The following FHOD3 variants were observed in gnomAD, a reference collection of about 807,000 sequenced individuals.
FHOD3 encodes the protein formin homology 2 domain containing 3, also known as FH1/FH2 domain-containing protein 3.
In FHOD3, 90 loss-of-function variants were observed where a neutral mutation model predicts 173.0. That is an observed-to-expected ratio of 0.52 (90% CI 0.44 to 0.62). The LOEUF (loss-of-function observed/expected upper bound fraction) is 0.62. Among genes scored for constraint, FHOD3 ranks in the 20% least tolerant of loss-of-function variants. The probability of loss-of-function intolerance (pLI) is 0.00; values close to 1 mark genes in which losing one functional copy is unlikely to be tolerated. For synonymous variants in FHOD3, 828 were observed against 823.0 expected, an observed-to-expected ratio of 1.01 and a Z score of -0.10; for missense variants, 1,945 against 2,034.7, an observed-to-expected ratio of 0.96 and a Z score of 0.85.
At chr18:36,619,729 A>T (rs1671526678) in intron 9 of FHOD3, among the ~76,000 whole-genome samples, 1 of 152,206 alleles carries the variant, frequency 6.6e-6, no homozygotes, top group Non-Finnish European at 1.5e-5. Flanking sequence ...CACATACTCT[A>T]ATGAGGTGCA....
rs143039262 is a variant in FHOD3, at chr18:36,476,154, C to A, written c.338-25778C>A. On this transcript the variant is annotated intron_variant, in intron 3 of 28. Coordinates refer to ENST00000590592, the MANE Select transcript of FHOD3 (RefSeq NM_001281740.3). ...TTTTTGACAGGCACAGTGCTGAGTGCGTCCCAAGGATGCTGAAGTGCCCTG... is the reference window on the plus strand; with the variant it reads ...TTTTTGACAGGCACAGTGCTGAGTGAGTCCCAAGGATGCTGAAGTGCCCTG... Among the ~76,000 whole-genome samples, 97 of 152,284 alleles carry A rather than the reference C, an allele frequency of 6.4e-4. No homozygotes were observed. In the East Asian group the frequency reaches 0.017, roughly 27 times the overall value.
At chr18:36,309,137 A>T (rs892366300) in intron 1 of FHOD3, among the ~76,000 whole-genome samples, 2 of 152,164 alleles carry the variant, frequency 1.3e-5, no homozygotes, top group South Asian at 4.1e-4. Context: ...GTCTTCTCTT[A>T]TGGAGGGAGA....
chr18:36,404,902 A>G (rs1027924700), intron 3 of FHOD3, among the ~76,000 whole-genome samples: 2 of 152,186 alleles, frequency 1.3e-5, no homozygotes, highest in African/African-American at 4.8e-5. Flanking sequence ...TTACACATTT[A>G]TACTCTGATA....
At chr18:36,742,987 T>G (rs907438016) in intron 22 of FHOD3, 131 bp downstream of exon 22, 3 of 1,328,460 alleles carry the variant, frequency 2.3e-6, no homozygotes, top group African/African-American at 3.0e-5. Context: ...GTCTTCTTGC[T>G]GAAAATCTAG....
intron 1 of FHOD3, among the ~76,000 whole-genome samples, chr18:36,313,034 C>T (rs1285553210): frequency 6.6e-6 from 1 of 152,158 alleles, no homozygotes; most frequent in Non-Finnish European, 1.5e-5. Flanking sequence ...TTGGGTGTCT[C>T]TCTTCATATG....
intron 5 of FHOD3, among the ~76,000 whole-genome samples, chr18:36,571,085 CA>C (rs1412999293): frequency 6.6e-6 from 1 of 152,038 alleles, no homozygotes; most frequent in African/African-American, 2.4e-5. Flanking sequence ...TTTTCACAAA[CA>C]GCATTATTGT....
intron 28 of FHOD3, among the ~76,000 whole-genome samples, chr18:36,775,415 G>A (rs555058926): frequency 1.3e-5 from 2 of 152,346 alleles, no homozygotes; most frequent in South Asian, 2.1e-4. Context: ...GCTGTTTCCA[G>A]TGTGGACTGT....
In FHOD3 at chr18:36,628,218, T is replaced by C. The variant is rs190486440; in HGVS notation, c.1196+2469T>C. On this transcript the variant is annotated intron_variant, in intron 10 of 28. Coordinates refer to ENST00000590592, the MANE Select transcript of FHOD3 (RefSeq NM_001281740.3). ...ACAGGACAGGTTTTATTAACCTCAT[T>C]GTACAAGTGAGAAAACAGATGGGGC... 2.0e-5 allele frequency among the ~76,000 whole-genome samples: 3 copies of C among 152,170 alleles called. No individual in the cohort carries two copies. The East Asian group carries it at 5.8e-4, about 29-fold the overall frequency.
chr18:36,355,201 A>T (rs1286768610), intron 1 of FHOD3, among the ~76,000 whole-genome samples: 1 of 152,168 alleles, frequency 6.6e-6, no homozygotes, highest in Non-Finnish European at 1.5e-5. Context: ...TCACAGCAGC[A>T]TCGTGATCTC....
rs1339619086 is a variant in FHOD3 at position 36,458,766 on chromosome 18, T to G, written c.338-43166T>G. ...ATCGGGGTGACTTGGCCAAGCTAGC[T>G]TTCATGAATCTTTCCCACCTCCCTT... On this transcript the variant is annotated intron_variant, in intron 3 of 28. Coordinates refer to ENST00000590592, the MANE Select transcript of FHOD3 (RefSeq NM_001281740.3). Among the ~76,000 whole-genome samples, 3 of 147,080 alleles carry G rather than the reference T, an allele frequency of 2.0e-5. No individual in the cohort carries two copies. The East Asian group carries it at 6.4e-4, about 31-fold the overall frequency.
chr18:36,533,635 G>A (rs1353228998), intron 5 of FHOD3, among the ~76,000 whole-genome samples: 1 of 152,178 alleles, frequency 6.6e-6, no homozygotes, highest in Non-Finnish European at 1.5e-5. Flanking sequence ...TGATAACTGG[G>A]CAGGTGGGTG....
chr18:36,747,971 C>CT (rs1453945017), intron 24 of FHOD3, among the ~76,000 whole-genome samples: 2 of 152,036 alleles, frequency 1.3e-5, no homozygotes, highest in African/African-American at 4.8e-5. Context: ...CTATACAGAA[C>CT]TTTTTAAAAC....
chr18:36,396,110 G>T (rs929871106), intron 3 of FHOD3, among the ~76,000 whole-genome samples: 2 of 152,004 alleles, frequency 1.3e-5, no homozygotes, highest in African/African-American at 4.8e-5. Context: ...ATAAAGTATT[G>T]CTTTTGAAAA....
intron 15 of FHOD3, among the ~76,000 whole-genome samples, chr18:36,685,080 T>A (rs972002049): frequency 1.3e-5 from 2 of 152,234 alleles, no homozygotes; most frequent in African/African-American, 4.8e-5. Context: ...GCTAGACTTA[T>A]AGGCATGAGC....
chr18:36,556,888 A>G (rs2057909379), intron 5 of FHOD3, among the ~76,000 whole-genome samples: 1 of 152,134 alleles, frequency 6.6e-6, no homozygotes, highest in African/African-American at 2.4e-5. Flanking sequence ...ACCTTTGTGT[A>G]TCTGAACAGG....
intron 23 of FHOD3, among the ~76,000 whole-genome samples, chr18:36,745,748 C>A (rs369511258): frequency 2.1e-5 from 3 of 145,758 alleles, no homozygotes; most frequent in Non-Finnish European, 4.6e-5. Flanking sequence ...CTCCCGCTCA[C>A]CCCCCGCCAC....
intron 14 of FHOD3, among the ~76,000 whole-genome samples, chr18:36,662,157 G>A (rs1436613087): frequency 6.6e-6 from 1 of 152,184 alleles, no homozygotes; most frequent in African/African-American, 2.4e-5. Flanking sequence ...GGAAAGGCCG[G>A]GCCCATCCTC....
chr18:36,686,575 A>T (rs1383824266), intron 15 of FHOD3, among the ~76,000 whole-genome samples: 1 of 151,634 alleles, frequency 6.6e-6, no homozygotes, highest in Non-Finnish European at 1.5e-5. Context: ...TAGGTGCAGC[A>T]AACCACCCTG....
chr18:36,307,713 T>A (rs1480351186), intron 1 of FHOD3, among the ~76,000 whole-genome samples: 1 of 152,208 alleles, frequency 6.6e-6, no homozygotes, highest in Non-Finnish European at 1.5e-5. Flanking sequence ...GAGAGGTTAC[T>A]ACTGACAAAG....
Sources: gnomAD v4.1 joint callset for allele counts (sites outside exome capture counted in the v4.1 genomes callset) on GRCh38, gnomAD v4.1.1 for gene constraint, MANE v1.5 for transcripts, NCBI Gene and HGNC (gene_info 2026-07-23, HGNC 2026-07-21) for gene names.